The following TRDMT1 variants were observed in gnomAD, a reference collection of about 807,000 sequenced individuals.
The protein encoded by TRDMT1 is tRNA aspartic acid methyltransferase 1.
TRDMT1 carries 49 observed loss-of-function variants against 51.2 expected under a neutral mutation model. That is an observed-to-expected ratio of 0.96 (90% CI 0.76 to 1.21). TRDMT1 has a LOEUF of 1.21. TRDMT1 is among the 50% of genes most tolerant of loss of function. The pLI, the probability that TRDMT1 is intolerant of heterozygous loss-of-function variation, is 0.00. For synonymous variants in TRDMT1, 187 were observed against 164.6 expected (o/e 1.14, Z -1.04); for missense variants, 534 against 462.3 (o/e 1.16, Z -1.42).
In TRDMT1 at chr10:17,149,156, A is replaced by C. The variant is rs770245878; in HGVS notation, c.1076-16T>G. 7 of 1,579,014 alleles carry C rather than the reference A, an allele frequency of 4.4e-6. No homozygotes were observed. The highest frequency in any genetic ancestry group is 5.2e-6 in the Non-Finnish European group (6 of 1,153,040). On this transcript the variant is annotated splice_polypyrimidine_tract_variant and intron_variant, in intron 10 of 10. Transcript: ENST00000377799. Reference sequence around the variant, plus strand: ...TCAGGAAATCCTAAAAAGACAAAGAACAATTTAAAGAAATCATTTGTAATC... The same window carrying C: ...TCAGGAAATCCTAAAAAGACAAAGACCAATTTAAAGAAATCATTTGTAATC...
intron 3 of TRDMT1, among the ~76,000 whole-genome samples, chr10:17,167,643 T>C (rs1841396684): frequency 1.3e-5 from 2 of 152,190 alleles, no homozygotes; most frequent in South Asian, 2.1e-4. Context: ...CACACATATA[T>C]ATAATTTTTT....
intron 2 of TRDMT1, among the ~76,000 whole-genome samples, chr10:17,173,772 CTTTTT>C (rs34140507): frequency 9.1e-5 from 11 of 121,000 alleles, no homozygotes; most frequent in African/African-American, 9.2e-5. Flanking sequence ...AACACAATTT[CTTTTT>C]TTTTTTTTTT....
chr10:17,148,606 A>G lies in TRDMT1; in HGVS notation c.*434T>C. The G allele has an allele frequency of 1.0e-6, 1 of 973,482 alleles. No individual in the cohort carries two copies. Among genetic ancestry groups the G allele is most frequent in the Non-Finnish European group, 1.2e-6 (1 of 819,004 alleles). 60.3% of individuals were successfully genotyped at this position (973,482 alleles called of 1,614,324 possible). Reference sequence around the variant, plus strand: ...GAAATATTTACAGGATTGGAAATTAAGTAAAACATTCAATGGGCTAGAATT... The same window carrying G: ...GAAATATTTACAGGATTGGAAATTAGGTAAAACATTCAATGGGCTAGAATT... On this transcript the variant is annotated 3_prime_UTR_variant, in exon 11 of 11. Coordinates refer to ENST00000377799, the MANE Select transcript of TRDMT1 (RefSeq NM_004412.7).
At chr10:17,152,372 T>C (rs1041260058) in intron 10 of TRDMT1, among the ~76,000 whole-genome samples, 4 of 152,178 alleles carry the variant, frequency 2.6e-5, no homozygotes, top group Admixed American at 1.3e-4. Flanking sequence ...TCAAATTATA[T>C]TGGCAGTTTG....
rs142403002 is a variant in TRDMT1 at position 17,157,650 on chromosome 10, A to C, written c.678T>G (p.Asp226Glu). 923 of 1,613,644 alleles carry C rather than the reference A, an allele frequency of 5.7e-4. 5 individuals are homozygous for C. The African/African-American group carries it at 0.011, about 20-fold the overall frequency. ...FDGSIQCSGK[D>E]AILFKLETAE... is the part of the protein sequence containing the mutation. ...CAGTTTCAAGCTTAAAAAGAATGGC[A>C]TCTTTTCCAGAACACTGTATGCTGC... Residue 226 changes from aspartate to glutamate, a missense_variant, in exon 8 of 11, where the codon GAT becomes GAG. Physicochemically the swap from Asp to Glu is conservative, Grantham distance 45. Coordinates refer to ENST00000377799, the MANE Select transcript of TRDMT1 (RefSeq NM_004412.7).
intron 1 of TRDMT1, among the ~76,000 whole-genome samples, chr10:17,196,893 G>C (rs145062965): frequency 1.1e-4 from 17 of 152,214 alleles, no homozygotes; most frequent in African/African-American, 3.9e-4. Flanking sequence ...AAACAAACGA[G>C]GAAACCCATC....
intron 1 of TRDMT1, among the ~76,000 whole-genome samples, chr10:17,185,608 G>A (rs11254445): frequency 0.14 from 20,916 of 152,064 alleles, 1,535 homozygotes; most frequent in Admixed American, 0.17. Flanking sequence ...ACATGCACAC[G>A]TATGTTTATT....
In TRDMT1 at chr10:17,145,858, T is replaced by C. The variant is rs1838060577; in HGVS notation, c.*3182A>G. 1 of 985,462 alleles carries C rather than the reference T, an allele frequency of 1.0e-6. No homozygotes were observed. Among genetic ancestry groups the C allele is most frequent in the Non-Finnish European group, 1.2e-6 (1 of 829,942 alleles). The allele number at this position is 985,462 out of a possible 1,614,324, so 61.0% of individuals were successfully genotyped here. Reference sequence around the variant, plus strand: ...ATTAGATGAAATGTGGTTGCTTCTTTGTTCTGTTCTGCTATGGCTAAAATT... The same window carrying C: ...ATTAGATGAAATGTGGTTGCTTCTTCGTTCTGTTCTGCTATGGCTAAAATT... On this transcript the variant is annotated 3_prime_UTR_variant, in exon 11 of 11. Transcript: ENST00000377799.
At chr10:17,177,583 T>C (rs55667559) in intron 1 of TRDMT1, among the ~76,000 whole-genome samples, 3,715 of 152,218 alleles carry the variant, frequency 0.024, 133 homozygotes, top group African/African-American at 0.082. Context: ...CTTCCATTTA[T>C]ATGAGGACTA....
chr10:17,192,559 C>T (rs1486448051), intron 1 of TRDMT1, among the ~76,000 whole-genome samples: 1 of 152,214 alleles, frequency 6.6e-6, no homozygotes, highest in African/African-American at 2.4e-5. Flanking sequence ...CTAAGGAGCA[C>T]TGTTTTCACA....
intron 10 of TRDMT1, 70 bp from the exon 11 acceptor site, chr10:17,149,210 C>T: frequency 1.6e-6 from 2 of 1,229,284 alleles, no homozygotes; most frequent in South Asian, 1.3e-5. Flanking sequence ...AGGATGTATC[C>T]TTTAGTAAGG....
At chr10:17,154,995 G>GGATC (rs776012105) in intron 8 of TRDMT1, among the ~76,000 whole-genome samples, 1 of 129,206 alleles carries the variant, frequency 7.7e-6, no homozygotes, top group Non-Finnish European at 1.8e-5. Context: ...CCAGGCGGGT[G>GGATC]GATCACCTGA....
In TRDMT1 at chr10:17,138,352, A is replaced by G. The variant is rs1228851552; in HGVS notation, c.*10688T>C. ...GGACGTAACATTGCTTAAAAGATAC[A>G]TTTACATATGTCAGTTTTGTGATTT... On this transcript the variant is annotated 3_prime_UTR_variant, in exon 11 of 11. Transcript: ENST00000377799. Among the ~76,000 whole-genome samples, 1 of 152,208 alleles carries G rather than the reference A, an allele frequency of 6.6e-6. No homozygotes were observed. The highest frequency in any genetic ancestry group is 1.5e-5 in the Non-Finnish European group (1 of 68,042).
intron 1 of TRDMT1, among the ~76,000 whole-genome samples, chr10:17,190,017 G>A (rs2131596964): frequency 6.6e-6 from 1 of 152,162 alleles, no homozygotes; most frequent in African/African-American, 2.4e-5. Context: ...TACACAAAGG[G>A]GTTTGGCTAG....
At chr10:17,178,905 G>A (rs180914702) in intron 1 of TRDMT1, among the ~76,000 whole-genome samples, 8 of 152,080 alleles carry the variant, frequency 5.3e-5, no homozygotes, top group Non-Finnish European at 1.0e-4. Context: ...GCCAAAATAC[G>A]GATAGGAACT....
chr10:17,163,845 C>A (rs1204737119), intron 3 of TRDMT1, among the ~76,000 whole-genome samples: 1 of 152,106 alleles, frequency 6.6e-6, no homozygotes, highest in Admixed American at 6.6e-5. Flanking sequence ...AATAGACCAA[C>A]AACAGGCTTT....
chr10:17,153,456 T>G, intron 10 of TRDMT1, 51 bp downstream of exon 10: 21 of 1,602,662 alleles, frequency 1.3e-5, no homozygotes, highest in Non-Finnish European at 1.8e-5. Context: ...CCCTAAAGAT[T>G]TTTGAGAGTT....
intron 3 of TRDMT1, among the ~76,000 whole-genome samples, chr10:17,163,463 T>C (rs1277502585): frequency 6.6e-6 from 1 of 151,966 alleles, no homozygotes; most frequent in Non-Finnish European, 1.5e-5. Context: ...TTAAAAGAAC[T>C]AGAGAAGCAA....
intron 1 of TRDMT1, among the ~76,000 whole-genome samples, chr10:17,179,731 T>C (rs901803163): frequency 2.1e-5 from 3 of 141,958 alleles, no homozygotes; most frequent in Non-Finnish European, 4.6e-5. Flanking sequence ...TGACAAAAAC[T>C]AGCTGATTCC....
Sources: gnomAD v4.1 joint callset for allele counts (sites outside exome capture counted in the v4.1 genomes callset) on GRCh38, gnomAD v4.1.1 for gene constraint, MANE v1.5 for transcripts, NCBI Gene and HGNC (gene_info 2026-07-23, HGNC 2026-07-21) for gene names.